REPS2: variants seen among roughly 807,000 people sequenced by gnomAD.
The protein encoded by REPS2 is ralBP1-associated Eps domain-containing protein 2.
A neutral mutation model predicts 53.6 loss-of-function variants in REPS2; 23 were observed. The observed-to-expected ratio is 0.43, with a 90% CI of 0.31 to 0.61. The LOEUF (loss-of-function observed/expected upper bound fraction) is 0.61. REPS2 is among the 20% of genes least tolerant of loss of function. The probability of loss-of-function intolerance (pLI) is 0.11; values close to 1 mark genes in which losing one functional copy is unlikely to be tolerated. For synonymous variants in REPS2, 238 were observed against 218.6 expected (o/e 1.09, Z -0.78); for missense variants, 446 against 534.9 (o/e 0.83, Z 1.64).
At chrX:17,009,027 C>T (rs1342036691) in intron 2 of REPS2, among the ~76,000 whole-genome samples, 1 of 111,750 alleles carries the variant, frequency 8.9e-6, no homozygotes, top group Non-Finnish European at 1.9e-5. Flanking sequence ...GCTCCAATCT[C>T]ACTCCCTGTT....
chrX:17,183,720 A>T, the REPS2 span, among the ~76,000 whole-genome samples: 1 of 112,123 alleles, frequency 8.9e-6, no homozygotes, highest in Non-Finnish European at 1.9e-5. Flanking sequence ...ACTCTAAAAG[A>T]TGGAGATGAG....
intron 1 of REPS2, among the ~76,000 whole-genome samples, chrX:16,947,447 G>T: frequency 9.0e-6 from 1 of 111,705 alleles, no homozygotes; most frequent in Non-Finnish European, 1.9e-5. Flanking sequence ...AGTTTGTCCT[G>T]TTCTGGAAGT....
At chrX:16,978,094 A>G (rs772239146) in intron 1 of REPS2, among the ~76,000 whole-genome samples, 1 of 112,037 alleles carries the variant, frequency 8.9e-6, no homozygotes, top group Non-Finnish European at 1.9e-5. Context: ...GAAAGCCTCT[A>G]TTCTAAATTC....
intron 13 of REPS2, among the ~76,000 whole-genome samples, chrX:17,093,612 G>A (rs1463505100): frequency 1.2e-4 from 13 of 110,457 alleles, no homozygotes; most frequent in African/African-American, 4.3e-4. Context: ...ATTCTAAATA[G>A]CATATTTGTG....
intron 13 of REPS2, among the ~76,000 whole-genome samples, chrX:17,101,199 G>A (rs1350127841): frequency 2.8e-5 from 3 of 108,133 alleles, no homozygotes; most frequent in Non-Finnish European, 5.8e-5. Flanking sequence ...GACTACAGGC[G>A]CCCGCCACCA....
the REPS2 span, among the ~76,000 whole-genome samples, chrX:17,191,863 C>T: frequency 8.9e-6 from 1 of 111,878 alleles, no homozygotes; most frequent in Non-Finnish European, 1.9e-5. Flanking sequence ...TCAGTGGTTG[C>T]AGGGTTTAAG....
intron 1 of REPS2, 58 bp from the exon 2 acceptor site, chrX:17,006,163 T>C: frequency 8.5e-7 from 1 of 1,176,706 alleles, no homozygotes; most frequent in Admixed American, 2.2e-5. Context: ...ATGTACCTTG[T>C]CTCATTTTCC....
At chrX:17,070,015 A>G (rs2062282398) in intron 11 of REPS2, 22 bp downstream of exon 11, 13 of 873,287 alleles carry the variant, frequency 1.5e-5, no homozygotes, top group Non-Finnish European at 2.0e-5. Context: ...CCATTTTTGT[A>G]TACTTTATAT....
At chrX:17,030,342 T>C (rs201726791) in intron 5 of REPS2, among the ~76,000 whole-genome samples, 1 of 101,554 alleles carries the variant, frequency 9.8e-6, no homozygotes, top group African/African-American at 3.6e-5. Flanking sequence ...TGTGTGTGTG[T>C]GCACGCGCGG....
At chrX:17,133,737 G>T in intron 14 of REPS2, 87 bp from the exon 15 acceptor site, 1 of 831,696 alleles carries the variant, frequency 1.2e-6, no homozygotes, top group Non-Finnish European at 1.8e-6. Flanking sequence ...GTTTTCCCTT[G>T]GTGACTATCT....
intron 1 of REPS2, among the ~76,000 whole-genome samples, chrX:16,975,855 A>C (rs149291300): frequency 8.9e-6 from 1 of 112,368 alleles, no homozygotes; most frequent in South Asian, 3.7e-4. Flanking sequence ...GGAAATAATA[A>C]TGCATGATTT....
chrX:17,111,128 A>G (rs1213147654), intron 14 of REPS2, among the ~76,000 whole-genome samples: 1 of 112,567 alleles, frequency 8.9e-6, no homozygotes, highest in Admixed American at 9.4e-5. Flanking sequence ...ATAAGAAAAT[A>G]GCAAGAAACA....
intron 17 of REPS2, among the ~76,000 whole-genome samples, chrX:17,140,935 C>A (rs1354196225): frequency 1.8e-5 from 2 of 109,904 alleles, no homozygotes; most frequent in African/African-American, 6.6e-5. Context: ...CACGCCCGGC[C>A]AACTTTTTGT....
At chrX:17,096,029 T>C (rs2062692325) in intron 13 of REPS2, among the ~76,000 whole-genome samples, 1 of 112,293 alleles carries the variant, frequency 8.9e-6, no homozygotes, top group African/African-American at 3.2e-5. Flanking sequence ...GTTACATGTA[T>C]TTGAACTGCT....
At chrX:17,082,537 A>G (rs1009156075) in intron 13 of REPS2, among the ~76,000 whole-genome samples, 5 of 112,474 alleles carry the variant, frequency 4.4e-5, no homozygotes, top group African/African-American at 1.6e-4. Context: ...GTGTCTGTCC[A>G]TGGGTAGCTA....
chrX:17,139,098 G>T, intron 17 of REPS2, 137 bp downstream of exon 17: 1 of 388,985 alleles, frequency 2.6e-6, no homozygotes, highest in Non-Finnish European at 4.4e-6. Context: ...TACCTATCAT[G>T]TACAGTGATC....
At chrX:17,099,916 T>C in intron 13 of REPS2, 8 of 1,080,383 alleles carry the variant, frequency 7.4e-6, no homozygotes, top group Non-Finnish European at 1.0e-5. Context: ...TTCCCTTTCA[T>C]CAGGAACATG....
chrX:17,160,389 G>T, the REPS2 span, among the ~76,000 whole-genome samples: 1 of 112,105 alleles, frequency 8.9e-6, no homozygotes. Flanking sequence ...CAAACCAGGG[G>T]GTATTTAGAA....
chrX:17,102,109 G>GTC (rs759545735), intron 13 of REPS2, among the ~76,000 whole-genome samples: 1 of 109,701 alleles, frequency 9.1e-6, no homozygotes, highest in South Asian at 3.9e-4. Flanking sequence ...ATGAGACAGG[G>GTC]TCTCACTCTG....
Sources: gnomAD v4.1 joint callset for allele counts (sites outside exome capture counted in the v4.1 genomes callset) on GRCh38, gnomAD v4.1.1 for gene constraint, MANE v1.5 for transcripts, NCBI Gene and HGNC (gene_info 2026-07-23, HGNC 2026-07-21) for gene names.